MAEA: variants seen among roughly 807,000 people sequenced by gnomAD.
MAEA encodes the protein macrophage erythroblast attacher, E3 ubiquitin ligase.
MAEA carries 22 observed loss-of-function variants against 46.2 expected under a neutral mutation model. The ratio of observed to expected loss-of-function variants is 0.48; its 90% CI spans 0.34 to 0.68. The LOEUF is 0.68. Ranked by LOEUF, MAEA falls within the 30% of genes least tolerant of loss-of-function variation. The pLI is 0.01. For synonymous variants in MAEA, 246 were observed against 222.6 expected (o/e 1.11, Z -0.94); for missense variants, 393 against 558.1 (o/e 0.70, Z 2.98).
chr4:1,292,021 A>G (rs1291901911), intron 1 of MAEA, among the ~76,000 whole-genome samples: 1 of 152,208 alleles, frequency 6.6e-6, no homozygotes, highest in African/African-American at 2.4e-5. Flanking sequence ...TTGGTATAGA[A>G]CTAAACAGAA....
intron 1 of MAEA, among the ~76,000 whole-genome samples, chr4:1,292,918 G>A (rs1734246280): frequency 7.1e-6 from 1 of 141,770 alleles, no homozygotes. Context: ...TTTTGAGACG[G>A]AGTCTCACTC....
chr4:1,322,943 CTTTTTTTTTTTTTTT>C (rs60692981), intron 4 of MAEA, among the ~76,000 whole-genome samples: 1 of 75,248 alleles, frequency 1.3e-5, no homozygotes, highest in African/African-American at 6.2e-5. Context: ...TGAATACCCA[CTTTTTTTTTTTTTTT>C]TTTTTTTTTT....
In MAEA at chr4:1,327,712, T is replaced by C. The variant is rs538433497; in HGVS notation, c.656+9T>C. 1 of 1,612,158 alleles carries C rather than the reference T, an allele frequency of 6.2e-7. No individual in the cohort carries two copies. Among genetic ancestry groups the C allele is most frequent in the African/African-American group, 1.3e-5 (1 of 75,030 alleles). Reference sequence around the variant, plus strand: ...AGACTGGACGCTGTGAGGTAGGCATTGCGGACGTGCGTCTCCTCGAGGGAG... The same window carrying C: ...AGACTGGACGCTGTGAGGTAGGCATCGCGGACGTGCGTCTCCTCGAGGGAG... On this transcript the variant is annotated intron_variant, in intron 5 of 8. Transcript: ENST00000303400.
Position 1,332,627 on chromosome 4 carries a change from C to T in MAEA, c.657-130C>T, listed in dbSNP as rs1050619569. 1.5e-4 allele frequency: 98 copies of T among 637,766 alleles called. No individual in the cohort carries two copies. In the East Asian group the frequency reaches 2.9e-3, roughly 19 times the overall value. The allele number at this position is 637,766 out of a possible 1,614,324, so 39.5% of individuals were successfully genotyped here. ...AGCTTCTCGGGAAGATCGCCTGAGC[C>T]TGAGAGTTCGAGGCTACAGTGAGCT... On this transcript the variant is annotated intron_variant, in intron 5 of 8. Transcript: ENST00000303400.
chr4:1,297,337 G>A (rs11940108), intron 1 of MAEA, among the ~76,000 whole-genome samples: 1,788 of 152,318 alleles, frequency 0.012, 37 homozygotes, highest in African/African-American at 0.04. Context: ...GCCGCCCTGC[G>A]TGGCCAGCTC....
chr4:1,314,554 T>C (rs1736895093), intron 2 of MAEA, among the ~76,000 whole-genome samples: 1 of 152,114 alleles, frequency 6.6e-6, no homozygotes, highest in African/African-American at 2.4e-5. Context: ...GTGGCATGTT[T>C]CACCAGAGCC....
chr4:1,338,156 G>A (rs1713045739), intron 7 of MAEA: 1 of 434,956 alleles, frequency 2.3e-6, no homozygotes, highest in South Asian at 4.2e-5. Flanking sequence ...GAGGGCGGCG[G>A]GCGACGGAGC....
chr4:1,334,573 T>C (rs1338973377), intron 6 of MAEA, among the ~76,000 whole-genome samples: 3 of 152,244 alleles, frequency 2.0e-5, no homozygotes, highest in Admixed American at 2.0e-4. Context: ...GGGCTGAGAC[T>C]TCGGGCCTAG....
chr4:1,327,909 G>A lies in MAEA; in HGVS notation c.656+206G>A, dbSNP rs147312084. Among the ~76,000 whole-genome samples, 1,135 of 152,280 alleles carry A rather than the reference G, an allele frequency of 7.5e-3. 13 individuals carry two copies. The highest frequency in any genetic ancestry group is 0.026 in the African/African-American group (1,078 of 41,560). On this transcript the variant is annotated intron_variant, in intron 5 of 8. Transcript: ENST00000303400. ...GGAGTGAGGCCTGGAGCCTGGCAGG[G>A]CCCCCGCCAAGGTGTGGCCCCAGGT...
intron 3 of MAEA, among the ~76,000 whole-genome samples, chr4:1,318,378 C>T (rs976500297): frequency 5.9e-5 from 9 of 152,180 alleles, no homozygotes; most frequent in African/African-American, 1.2e-4. Flanking sequence ...GCACAGGCCA[C>T]GCGTTCCACA....
At chr4:1,309,038 C>G (rs557568225) in intron 1 of MAEA, among the ~76,000 whole-genome samples, 3 of 152,332 alleles carry the variant, frequency 2.0e-5, no homozygotes, top group Admixed American at 2.0e-4. Context: ...CTTCTGCGGG[C>G]TCATCTCTGC....
At chr4:1,293,056 G>A (rs1734273174) in intron 1 of MAEA, among the ~76,000 whole-genome samples, 1 of 152,012 alleles carries the variant, frequency 6.6e-6, no homozygotes, top group Non-Finnish European at 1.5e-5. Context: ...ACCATGCCCA[G>A]CTAATTTTTT....
At chr4:1,323,472 A>G (rs750364279) in intron 4 of MAEA, 128 of 702,466 alleles carry the variant, frequency 1.8e-4, no homozygotes, top group Non-Finnish European at 2.9e-4. Flanking sequence ...GTTACCAGCC[A>G]GGAGTGACAC....
At chr4:1,324,944 C>T (rs941802468) in intron 4 of MAEA, among the ~76,000 whole-genome samples, 1 of 151,642 alleles carries the variant, frequency 6.6e-6, no homozygotes, top group Admixed American at 6.6e-5. Context: ...GATGAGCGTG[C>T]CTGGTGTTGG....
At chr4:1,295,647 CCCCCCTCACCCGCTCCTGTA>C (rs1734561133) in intron 1 of MAEA, among the ~76,000 whole-genome samples, 1 of 145,022 alleles carries the variant, frequency 6.9e-6, no homozygotes, top group Non-Finnish European at 1.5e-5. Flanking sequence ...CGTACCTGTA[CCCCCCTCACCCGCTCCTGTA>C]CCCCCTCACC....
chr4:1,315,627 G>A (rs1287510419), intron 3 of MAEA, 27 bp downstream of exon 3: 1 of 1,610,128 alleles, frequency 6.2e-7, no homozygotes, highest in African/African-American at 1.3e-5. Flanking sequence ...CGCAGGCACA[G>A]CGCCCCAGCT....
chr4:1,315,076 G>A (rs915122336), intron 2 of MAEA, among the ~76,000 whole-genome samples: 1 of 152,150 alleles, frequency 6.6e-6, no homozygotes, highest in Non-Finnish European at 1.5e-5. Context: ...ACCTTATAAT[G>A]ATAAACAGTT....
Position 1,315,550 on chromosome 4 carries a change from T to C in MAEA, c.406T>C (p.Cys136Arg), listed in dbSNP as rs781238129. ...CATGATGGTGGAGCACCTGCTGCGT[T>C]GCGGCTACTACAACACGGCTGTCAA... Reference protein sequence around the residue: ...DRMMVEHLLRCGYYNTAVKLA... With the variant: ...DRMMVEHLLRRGYYNTAVKLA... Residue 136 changes from cysteine (C) to arginine (R), a missense_variant, in exon 3 of 9, where the codon TGC (cysteine) becomes CGC (arginine). Physicochemically the swap from Cys to Arg is radical, Grantham distance 180. Around this residue, in one of 2 missense-constraint regions of MAEA, gnomAD observed 358 missense variants for 537.9 expected, o/e 0.67. Coordinates refer to ENST00000303400, the MANE Select transcript of MAEA (RefSeq NM_001017405.3). The C allele has an allele frequency of 2.5e-6, 4 of 1,613,730 alleles. No individual in the cohort carries two copies. Among genetic ancestry groups the C allele is most frequent in the Non-Finnish European group, 2.5e-6 (3 of 1,179,932 alleles).
intron 1 of MAEA, among the ~76,000 whole-genome samples, chr4:1,290,628 C>T (rs1293420950): frequency 6.6e-6 from 1 of 152,230 alleles, no homozygotes; most frequent in Non-Finnish European, 1.5e-5. Flanking sequence ...TGATATGAAG[C>T]ACCTGGGAAG....
Sources: allele counts gnomAD v4.1 joint callset (sites outside exome capture counted in the v4.1 genomes callset), GRCh38; gene constraint gnomAD v4.1.1; regional missense constraint gnomAD v4.1.1; transcripts MANE v1.5; gene names NCBI Gene and HGNC (gene_info 2026-07-23, HGNC 2026-07-21).